The following WDSUB1 variants were observed in gnomAD, a reference collection of about 807,000 sequenced individuals.
The protein encoded by WDSUB1 is WD repeat, sterile alpha motif and U-box domain containing 1.
A neutral mutation model predicts 53.9 loss-of-function variants in WDSUB1; 49 were observed. The observed-to-expected ratio is 0.91, with a 90% CI of 0.72 to 1.15. The LOEUF (loss-of-function observed/expected upper bound fraction) is 1.15, where lower values mean the gene tolerates loss of function less well. Among genes scored for constraint, WDSUB1 ranks in the 50% most tolerant of loss-of-function variants. The probability of loss-of-function intolerance (pLI) is 0.00; values close to 1 mark genes in which losing one functional copy is unlikely to be tolerated. For missense variants in WDSUB1, 514 were observed against 562.0 expected, an observed-to-expected ratio of 0.91 and a Z score of 0.86; for synonymous variants, 194 against 200.6, an observed-to-expected ratio of 0.97 and a Z score of 0.28.
At chr2:159,278,365 T>G (rs969637645) in intron 3 of WDSUB1, among the ~76,000 whole-genome samples, 1 of 152,206 alleles carries the variant, frequency 6.6e-6, no homozygotes, top group Non-Finnish European at 1.5e-5. Flanking sequence ...TACTCATCAA[T>G]CTACATTTCA....
intron 9 of WDSUB1, among the ~76,000 whole-genome samples, chr2:159,252,155 A>T (rs1385784763): frequency 8.6e-6 from 1 of 115,854 alleles, no homozygotes; most frequent in African/African-American, 3.3e-5. Flanking sequence ...AAATTAATTT[A>T]AAAAATCAAA....
chr2:159,262,611 T>C (rs866599000), intron 5 of WDSUB1, among the ~76,000 whole-genome samples: 2 of 152,186 alleles, frequency 1.3e-5, no homozygotes, highest in South Asian at 4.1e-4. Context: ...TTGCCTTTAG[T>C]TTAACTAATG....
At chr2:159,253,088 G>A (rs535155668) in intron 9 of WDSUB1, among the ~76,000 whole-genome samples, 2 of 152,336 alleles carry the variant, frequency 1.3e-5, no homozygotes, top group Admixed American at 1.3e-4. Flanking sequence ...CTAGATGGAA[G>A]CTGTGTGGCT....
In WDSUB1 at chr2:159,245,956, T is replaced by C. The variant is rs2060785230; in HGVS notation, c.1273+2416A>G. Among the ~76,000 whole-genome samples, 3 of 152,120 alleles carry C rather than the reference T, an allele frequency of 2.0e-5. No individual in the cohort carries two copies. The South Asian group carries it at 6.2e-4, about 31-fold the overall frequency. On this transcript the variant is annotated intron_variant, in intron 10 of 10. Coordinates refer to ENST00000359774, the MANE Select transcript of WDSUB1 (RefSeq NM_001128212.3). Reference sequence around the variant, plus strand: ...GGCAGGCTACAAGACCAAGAGAAACTATGTGCAATACATTACCTTACAAAA... The same window carrying C: ...GGCAGGCTACAAGACCAAGAGAAACCATGTGCAATACATTACCTTACAAAA...
At chr2:159,248,320 T>A (rs1195870579) in intron 10 of WDSUB1, 52 bp downstream of exon 10, 6 of 1,581,924 alleles carry the variant, frequency 3.8e-6, no homozygotes, top group Non-Finnish European at 5.1e-6. Context: ...CTAAACTTTT[T>A]ATTCATTTAG....
At chr2:159,283,818 T>C (rs1340475207) in intron 1 of WDSUB1, among the ~76,000 whole-genome samples, 1 of 152,136 alleles carries the variant, frequency 6.6e-6, no homozygotes, top group African/African-American at 2.4e-5. Flanking sequence ...TGTTTTGTTT[T>C]TGTTTTGTTT....
In WDSUB1 at chr2:159,256,484, G is replaced by C. The variant is rs2061065800; in HGVS notation, c.953-109C>G. On this transcript the variant is annotated intron_variant, in intron 8 of 10. Coordinates refer to ENST00000359774, the MANE Select transcript of WDSUB1 (RefSeq NM_001128212.3). Reference sequence around the variant, plus strand: ...AATTTCCTTAAATCTGTGTTTTATAGCTAGGTACAGTGGCTCATGCCTATA... The same window carrying C: ...AATTTCCTTAAATCTGTGTTTTATACCTAGGTACAGTGGCTCATGCCTATA... The C allele has an allele frequency of 3.4e-6, 4 of 1,174,046 alleles. No individual in the cohort carries two copies. In the African/African-American group the frequency reaches 6.4e-5, roughly 19 times the overall value. 72.7% of individuals were successfully genotyped at this position (1,174,046 alleles called of 1,614,324 possible).
chr2:159,247,196 T>C (rs1314952173), intron 10 of WDSUB1, among the ~76,000 whole-genome samples: 1 of 152,256 alleles, frequency 6.6e-6, no homozygotes, highest in Non-Finnish European at 1.5e-5. Flanking sequence ...TGACTTTTAT[T>C]GAGTGTTTAT....
chr2:159,241,305 TA>T (rs1472681514), intron 10 of WDSUB1, among the ~76,000 whole-genome samples: 13 of 152,348 alleles, frequency 8.5e-5, no homozygotes, highest in African/African-American at 3.1e-4. Context: ...TGTTGTAACA[TA>T]AGATGATTCT....
Position 159,280,417 on chromosome 2 carries a change from C to T in WDSUB1, c.399-472G>A, listed in dbSNP as rs368066667. On this transcript the variant is annotated intron_variant, in intron 2 of 10. Coordinates refer to ENST00000359774, the MANE Select transcript of WDSUB1 (RefSeq NM_001128212.3). ...TAAAAATTACCCAGAAGTGGCCGGG[C>T]GCGGTGGCTCACGCCTGTAATCCCA... 1.5e-4 allele frequency among the ~76,000 whole-genome samples: 23 copies of T among 152,130 alleles called. No homozygotes were observed. In the South Asian group the frequency reaches 3.7e-3, roughly 25 times the overall value.
At chr2:159,254,984 G>T (rs2061029287) in intron 9 of WDSUB1, among the ~76,000 whole-genome samples, 1 of 152,212 alleles carries the variant, frequency 6.6e-6, no homozygotes, top group East Asian at 1.9e-4. Context: ...GTAAAAATAA[G>T]CTGGGCGTGG....
At chr2:159,245,078 A>T (rs1229905418) in intron 10 of WDSUB1, among the ~76,000 whole-genome samples, 1 of 152,216 alleles carries the variant, frequency 6.6e-6, no homozygotes, top group Non-Finnish European at 1.5e-5. Context: ...TTCAACTCCA[A>T]ACTAATCTAT....
In WDSUB1 at chr2:159,258,005, G is replaced by A; in HGVS notation, c.805-20C>T. On this transcript the variant is annotated intron_variant, in intron 6 of 10. Coordinates refer to ENST00000359774, the MANE Select transcript of WDSUB1 (RefSeq NM_001128212.3). ...AGTATTCTGAAAAACAATAAAAACA[G>A]CTTTAAATTTACTCAAGTAAGAGTA... The A allele has an allele frequency of 2.5e-6, 4 of 1,609,712 alleles. No individual in the cohort carries two copies. Among genetic ancestry groups the A allele is most frequent in the Non-Finnish European group, 3.4e-6 (4 of 1,177,892 alleles).
chr2:159,247,378 G>A (rs1273683214), intron 10 of WDSUB1, among the ~76,000 whole-genome samples: 2 of 152,122 alleles, frequency 1.3e-5, no homozygotes, highest in Non-Finnish European at 2.9e-5. Context: ...TATGTAAATA[G>A]TAAACTACCA....
intron 4 of WDSUB1, among the ~76,000 whole-genome samples, chr2:159,274,918 G>A (rs954172969): frequency 6.6e-6 from 1 of 152,132 alleles, no homozygotes; most frequent in Non-Finnish European, 1.5e-5. Flanking sequence ...AGAAGATGGT[G>A]AGCTTTTAGA....
chr2:159,244,268 G>T (rs79465461), intron 10 of WDSUB1, among the ~76,000 whole-genome samples: 12,578 of 151,652 alleles, frequency 0.083, 1,161 homozygotes, highest in African/African-American at 0.22. Flanking sequence ...TGGAAAGAAA[G>T]AAATTACTTA....
intron 10 of WDSUB1, among the ~76,000 whole-genome samples, chr2:159,247,008 T>G (rs2060813632): frequency 6.6e-6 from 1 of 152,186 alleles, no homozygotes; most frequent in Non-Finnish European, 1.5e-5. Context: ...GAGTGAATAT[T>G]CAGAAGCCTC....
In WDSUB1 at chr2:159,279,758, A is replaced by C. The variant is rs2061613106; in HGVS notation, c.583+3T>G. On this transcript the variant is annotated splice_donor_region_variant and intron_variant, in intron 3 of 10. Coordinates refer to ENST00000359774, the MANE Select transcript of WDSUB1 (RefSeq NM_001128212.3). ...TAGTGCTTAAAAGAATAAAATAACC[A>C]ACCAGAAACTGGCTGTGAAGAAAAA... The C allele has an allele frequency of 6.3e-7, 1 of 1,596,460 alleles. No homozygotes were observed. The highest frequency in any genetic ancestry group is 1.3e-5 in the African/African-American group (1 of 74,098).
Position 159,256,251 on chromosome 2 carries a change from A to G in WDSUB1, c.1077T>C (p.Asp359=). The change falls in exon 9 of 11, where the codon GAT becomes GAC. Residue 359 remains aspartate, a synonymous_variant. Coordinates refer to ENST00000359774, the MANE Select transcript of WDSUB1 (RefSeq NM_001128212.3). ...LVGIFKMNNI[D]GKELLNLTKE... ...TTGTAAGATTCAACAGTTCTTTTCCATCAATGTTATTCATCTTGAAAATAC... is the reference window on the plus strand; with the variant it reads ...TTGTAAGATTCAACAGTTCTTTTCCGTCAATGTTATTCATCTTGAAAATAC... 1 of 1,610,776 alleles carries G rather than the reference A, an allele frequency of 6.2e-7. No individual in the cohort carries two copies.
Sources: gnomAD v4.1 joint callset for allele counts (sites outside exome capture counted in the v4.1 genomes callset) on GRCh38, gnomAD v4.1.1 for gene constraint, MANE v1.5 for transcripts, NCBI Gene and HGNC (gene_info 2026-07-23, HGNC 2026-07-21) for gene names.